HDAC5: variants seen among roughly 807,000 people sequenced by gnomAD.
The protein encoded by HDAC5 is antigen NY-CO-9.
HDAC5 carries 25 observed loss-of-function variants against 133.3 expected under a neutral mutation model. The observed-to-expected ratio is 0.19, with a 90% CI of 0.14 to 0.26. The LOEUF is 0.26. HDAC5 is among the 10% of genes least tolerant of loss of function. HDAC5 has a pLI of 1.00. For synonymous variants in HDAC5, 589 were observed against 610.8 expected, an observed-to-expected ratio of 0.96 and a Z score of 0.53; for missense variants, 1,041 against 1,460.5, an observed-to-expected ratio of 0.71 and a Z score of 4.68.
At chr17:44,101,736 C>T (rs971346288) in intron 3 of HDAC5, among the ~76,000 whole-genome samples, 1 of 152,162 alleles carries the variant, frequency 6.6e-6, no homozygotes, top group South Asian at 2.1e-4. Flanking sequence ...GAGATCTGAA[C>T]GCAGGTGTCC....
At chr17:44,094,977 G>A (rs1326224644) in intron 3 of HDAC5, among the ~76,000 whole-genome samples, 1 of 151,910 alleles carries the variant, frequency 6.6e-6, no homozygotes, top group Admixed American at 6.6e-5. Context: ...TAATTTTTTA[G>A]TAGAGACAGG....
intron 10 of HDAC5, 101 bp from the exon 11 acceptor site, chr17:44,091,593 C>T (rs1166807651): frequency 6.0e-6 from 9 of 1,489,022 alleles, no homozygotes; most frequent in Admixed American, 2.3e-5. Flanking sequence ...TGGGTAGGGC[C>T]AACAGATCTC....
In HDAC5 at chr17:44,088,568, G is replaced by T; in HGVS notation, c.1418C>A (p.Thr473Lys). 6.2e-7 allele frequency: 1 copy of T among 1,613,472 alleles called. No homozygotes were observed. The highest frequency in any genetic ancestry group is 8.5e-7 in the Non-Finnish European group (1 of 1,179,938). The change falls in exon 12 of 27, where the codon ACG becomes AAG. Residue 473 changes from threonine to lysine, a missense_variant. By Grantham distance (78) the Thr-to-Lys change is moderately conservative (BLOSUM62 -1). Coordinates refer to ENST00000682912, the MANE Select transcript of HDAC5 (RefSeq NM_005474.5). ...CATGCTGGTGGCCACACGTTCACCC[G>T]TCACTAGTGGGGACTGCCCGTGGAG... ...VPLHGQSPLV[T>K]GERVATSMRT...
In HDAC5 at chr17:44,078,606, C is replaced by A. The variant is rs962181054; in HGVS notation, c.3223G>T (p.Ala1075Ser). Reference protein sequence around the residue: ...AAGLGRSLREAQAGETEEAET... With the variant: ...AAGLGRSLRESQAGETEEAET... ...GCCTCCTCGGTCTCACCTGCTTGGG[C>A]CTCTCGCAGGGACCGGCCCAGACCA... Residue 1075 changes from alanine (A) to serine (S), a missense_variant, in exon 26 of 27, where the codon GCC becomes TCC. By Grantham distance (99) the Ala-to-Ser change is moderately conservative. This residue lies in a region of HDAC5 where 95 missense variants were observed against 107.3 expected (regional missense o/e 0.88). Transcript: ENST00000682912. 1.2e-6 allele frequency: 2 copies of A among 1,608,528 alleles called. No homozygotes were observed. The highest frequency in any genetic ancestry group is 2.7e-5 in the African/African-American group (2 of 74,918).
chr17:44,083,300 A>T (rs1045397659), intron 18 of HDAC5, among the ~76,000 whole-genome samples: 1 of 152,184 alleles, frequency 6.6e-6, no homozygotes, highest in African/African-American at 2.4e-5. Context: ...GCCAACCATG[A>T]GGCTTGAGCA....
At chr17:44,093,068 C>A (rs1190922387) in intron 6 of HDAC5, 24 bp downstream of exon 6, 1 of 1,565,250 alleles carries the variant, frequency 6.4e-7, no homozygotes, top group Non-Finnish European at 8.7e-7. Context: ...CCTATGCCCA[C>A]CCATGCCTGC....
intron 2 of HDAC5, chr17:44,111,003 C>T (rs922766901): frequency 9.3e-5 from 53 of 570,030 alleles, no homozygotes; most frequent in Admixed American, 2.0e-4. Context: ...GTGCCTCATC[C>T]GGCCTGGGCA....
intron 1 of HDAC5, among the ~76,000 whole-genome samples, chr17:44,118,086 G>A (rs1199014499): frequency 6.6e-6 from 1 of 152,186 alleles, no homozygotes; most frequent in Non-Finnish European, 1.5e-5. Flanking sequence ...ATGCAGGGCT[G>A]ATCTAGAGTC....
chr17:44,111,690 A>C (rs1303235200), intron 2 of HDAC5: 1 of 516,468 alleles, frequency 1.9e-6, no homozygotes, highest in Middle Eastern at 5.5e-4. Context: ...GCCCTCCCAC[A>C]GAGTTGAGAG....
chr17:44,115,598 G>A (rs1169487649), intron 2 of HDAC5, among the ~76,000 whole-genome samples: 6 of 152,144 alleles, frequency 3.9e-5, no homozygotes, highest in Admixed American at 2.0e-4. Context: ...CCTGGCCCAG[G>A]GCAGCTGGAA....
chr17:44,078,975 CAG>C lies in HDAC5; in HGVS notation c.3079-98_3079-97del, dbSNP rs1249531763. ...ACTCAGCCCCAGATATCCCTCACAA[CAG>C]GGGCAAACATGGCCTTTTTGGACAA... On this transcript the variant is annotated intron_variant, in intron 24 of 26. Transcript: ENST00000682912. 9 of 1,518,914 alleles carry C rather than the reference CAG, an allele frequency of 5.9e-6. No individual in the cohort carries two copies. The African/African-American group carries it at 8.2e-5, about 14-fold the overall frequency. The allele number at this position is 1,518,914 out of a possible 1,614,324, so 94.1% of individuals were successfully genotyped here. A position where few individuals can be genotyped will look rare whatever the true frequency, so the allele number is the denominator to read the frequency against.
Position 44,082,805 on chromosome 17 carries a change from T to C in HDAC5, c.2479A>G (p.Ile827Val). 6.4e-7 allele frequency: 1 copy of C among 1,555,416 alleles called. No individual in the cohort carries two copies. Among genetic ancestry groups the C allele is most frequent in the South Asian group, 1.2e-5 (1 of 84,442 alleles). ...TCGGCGTGGTGTCCTGGGGGCCGGA[T>C]GATGGCAAATCCATTCTGAAGAGGT... ...AGELKNGFAI[I>V]RPPGHHAEES... Residue 827 changes from isoleucine to valine, a missense_variant, in exon 19 of 27, where the codon ATC becomes GTC. By Grantham distance (29) the Ile-to-Val change is conservative (BLOSUM62 3). Transcript: ENST00000682912.
At chr17:44,112,013 G>T (rs1370335508) in intron 2 of HDAC5, among the ~76,000 whole-genome samples, 1 of 152,118 alleles carries the variant, frequency 6.6e-6, no homozygotes, top group Non-Finnish European at 1.5e-5. Context: ...CCTTGGGAGA[G>T]GCACAGATGG....
rs1334723345 is a variant in HDAC5, at chr17:44,085,330, T to C, written c.2051-175A>G. On this transcript the variant is annotated intron_variant, in intron 14 of 26. Transcript: ENST00000682912. ...CCTGCCCCCTCTCCTCTCCAGCTTT[T>C]TTTTTTTTTTCTTTGAAACAGGGTC... 14 of 497,606 alleles carry C rather than the reference T, an allele frequency of 2.8e-5. No individual in the cohort carries two copies. In the Admixed American group the frequency reaches 4.5e-4, roughly 16 times the overall value. 30.8% of individuals were successfully genotyped at this position (497,606 alleles called of 1,614,324 possible). A position where few individuals can be genotyped will look rare whatever the true frequency, so the allele number is the denominator to read the frequency against.
At chr17:44,084,515 C>T in intron 16 of HDAC5, 40 bp downstream of exon 16, 1 of 1,608,948 alleles carries the variant, frequency 6.2e-7, no homozygotes, top group Non-Finnish European at 8.5e-7. Flanking sequence ...CCCACCCTGA[C>T]ACTGAACATG....
intron 3 of HDAC5, among the ~76,000 whole-genome samples, chr17:44,099,620 A>G (rs1597990684): frequency 6.6e-6 from 1 of 151,746 alleles, no homozygotes; most frequent in South Asian, 2.1e-4. Context: ...GACTACAGGC[A>G]CCCGCCACCA....
At chr17:44,092,142 C>A in intron 9 of HDAC5, 30 bp downstream of exon 9, 1 of 1,589,388 alleles carries the variant, frequency 6.3e-7, no homozygotes, top group Non-Finnish European at 8.6e-7. Context: ...ACTCTGTCCC[C>A]GCCCCACCAG....
At position 44,092,823 on chromosome 17, in the gene HDAC5, G is replaced by C. The variant is rs765343545; in HGVS notation, c.642-17C>G. ...TGGGCTCCCCTGGGGTGGGGGGGGG[G>C]TGGGGATGGAAGCAGATCTAGGTTA... On this transcript the variant is annotated splice_polypyrimidine_tract_variant and intron_variant, in intron 6 of 26. Coordinates refer to ENST00000682912, the MANE Select transcript of HDAC5 (RefSeq NM_005474.5). 10 of 666,444 alleles carry C rather than the reference G, an allele frequency of 1.5e-5. No individual in the cohort carries two copies. The highest frequency in any genetic ancestry group is 2.1e-5 in the Non-Finnish European group (9 of 423,000). The allele number at this position is 666,444 out of a possible 1,614,324, so 41.3% of individuals were successfully genotyped here.
chr17:44,079,270 G>A lies in HDAC5; in HGVS notation c.2952C>T (p.Gly984=). 6.2e-7 allele frequency: 1 copy of A among 1,613,312 alleles called. No individual in the cohort carries two copies. The change falls in exon 24 of 27, where the codon GGC becomes GGT. Residue 984 remains glycine, a synonymous_variant. Coordinates refer to ENST00000682912, the MANE Select transcript of HDAC5 (RefSeq NM_005474.5). ...GGGTCATCAGCTGCCTGGTCAAGTG[G>A]CCAAAACCTTTGAGGATGGGTGAAG... is the stretch of plus-strand genomic sequence containing the variant. ...GGYSVTARCF[G]HLTRQLMTLA...
Sources: allele counts gnomAD v4.1 joint callset (sites outside exome capture counted in the v4.1 genomes callset), GRCh38; gene constraint gnomAD v4.1.1; regional missense constraint gnomAD v4.1.1; transcripts MANE v1.5; gene names NCBI Gene and HGNC (gene_info 2026-07-23, HGNC 2026-07-21).